Variants in RCL1 observed in about 807,000 individuals in gnomAD.
RCL1 encodes the protein RNA terminal phosphate cyclase like 1.
RCL1 carries 24 observed loss-of-function variants against 42.4 expected under a neutral mutation model. The observed-to-expected ratio is 0.57, with a 90% CI of 0.41 to 0.80. The LOEUF (loss-of-function observed/expected upper bound fraction) is 0.80, where lower values mean the gene tolerates loss of function less well. Ranked by LOEUF, RCL1 falls within the 30% of genes least tolerant of loss-of-function variation. The pLI, the probability that RCL1 is intolerant of heterozygous loss-of-function variation, is 0.00. For missense variants in RCL1, 578 were observed against 467.9 expected (o/e 1.24, Z -2.17); for synonymous variants, 228 against 177.3 (o/e 1.29, Z -2.27).
chr9:4,854,182 T>C (rs1376688884), intron 8 of RCL1, among the ~76,000 whole-genome samples: 2 of 152,190 alleles, frequency 1.3e-5, no homozygotes, highest in African/African-American at 4.8e-5. Flanking sequence ...TATGGTGAGA[T>C]CCTGTCTGAA....
rs550106856 is a variant in RCL1 at position 4,846,073 on chromosome 9, C to CTA, written c.867+1392_867+1393insTA. Among the ~76,000 whole-genome samples, 30 of 152,266 alleles carry CTA rather than the reference C, an allele frequency of 2.0e-4. No homozygotes were observed. The East Asian group carries it at 5.2e-3, about 26-fold the overall frequency. On this transcript the variant is annotated intron_variant, in intron 7 of 8. Transcript: ENST00000381750. ...GGTGGTAGGGTAAAGCCTGACTAGC[C>CTA]ATAGGTATTGATCCTCAGACCAGCC...
At chr9:4,833,271 C>T in intron 4 of RCL1, 43 bp downstream of exon 4, 5 of 1,409,622 alleles carry the variant, frequency 3.5e-6, no homozygotes, top group Non-Finnish European at 5.0e-6. Flanking sequence ...CTGTGGAAAA[C>T]ATTTTCCCAC....
At chr9:4,829,344 G>A (rs770460563) in intron 3 of RCL1, among the ~76,000 whole-genome samples, 73 of 152,192 alleles carry the variant, frequency 4.8e-4, no homozygotes, top group Non-Finnish European at 7.9e-4. Flanking sequence ...ATTGGAGGCG[G>A]AGTGAGAGGA....
intron 1 of RCL1, among the ~76,000 whole-genome samples, chr9:4,811,458 A>G (rs373284081): frequency 3.9e-5 from 6 of 152,056 alleles, no homozygotes; most frequent in Non-Finnish European, 7.3e-5. Flanking sequence ...AGTAACCACT[A>G]TTCTATCCTC....
At chr9:4,838,838 A>G (rs1267422704) in intron 5 of RCL1, among the ~76,000 whole-genome samples, 1 of 152,224 alleles carries the variant, frequency 6.6e-6, no homozygotes, top group Non-Finnish European at 1.5e-5. Context: ...TTGAAAGAAT[A>G]AGAACCTCTG....
chr9:4,810,672 C>T (rs913516119), intron 1 of RCL1, among the ~76,000 whole-genome samples: 1 of 152,062 alleles, frequency 6.6e-6, no homozygotes, highest in Non-Finnish European at 1.5e-5. Context: ...ATGTCTCTTG[C>T]CTGAATGCTG....
chr9:4,846,894 C>CTTTTTTCT (rs57427254), intron 7 of RCL1, among the ~76,000 whole-genome samples: 27,517 of 148,510 alleles, frequency 0.19, 3,052 homozygotes, highest in East Asian at 0.54. Flanking sequence ...TAATATTTTT[C>CTTTTTTCT]TTTTTTTTTT....
intron 3 of RCL1, among the ~76,000 whole-genome samples, chr9:4,830,400 G>C (rs917504313): frequency 7.2e-5 from 11 of 152,208 alleles, no homozygotes; most frequent in African/African-American, 2.4e-4. Context: ...CCGAAGTCCA[G>C]AGGGGATAAG....
chr9:4,834,713 G>T (rs1307768434), intron 5 of RCL1, among the ~76,000 whole-genome samples: 5 of 152,032 alleles, frequency 3.3e-5, no homozygotes, highest in Non-Finnish European at 7.4e-5. Context: ...TTGTCTGGAG[G>T]ACCTAGGGAG....
intron 2 of RCL1, among the ~76,000 whole-genome samples, chr9:4,825,418 TG>T (rs1444764215): frequency 1.3e-5 from 2 of 152,226 alleles, no homozygotes; most frequent in African/African-American, 4.8e-5. Flanking sequence ...GATGGTTTTG[TG>T]GCCCTTACAA....
intron 1 of RCL1, among the ~76,000 whole-genome samples, chr9:4,813,429 A>G (rs567335346): frequency 8.5e-4 from 130 of 152,386 alleles, no homozygotes; most frequent in Middle Eastern, 6.8e-3. Flanking sequence ...CAACAGACAC[A>G]TGAAAAAATG....
chr9:4,822,448 TAA>T (rs1015916840), intron 1 of RCL1, among the ~76,000 whole-genome samples: 80 of 152,296 alleles, frequency 5.3e-4, no homozygotes, highest in African/African-American at 1.9e-3. Flanking sequence ...TCTCCTCCCA[TAA>T]TCTTACATTT....
intron 1 of RCL1, among the ~76,000 whole-genome samples, chr9:4,813,688 G>T (rs1422472861): frequency 3.3e-5 from 5 of 152,194 alleles, no homozygotes; most frequent in African/African-American, 1.2e-4. Context: ...CCATTACTGG[G>T]TATATACCCA....
At chr9:4,798,145 G>A (rs1033028857) in intron 1 of RCL1, among the ~76,000 whole-genome samples, 9 of 152,184 alleles carry the variant, frequency 5.9e-5, no homozygotes, top group African/African-American at 2.2e-4. Flanking sequence ...TGAAGGACCT[G>A]TTCTCTCTCA....
intron 1 of RCL1, among the ~76,000 whole-genome samples, chr9:4,820,254 G>A (rs558603454): frequency 6.6e-6 from 1 of 152,156 alleles, no homozygotes; most frequent in African/African-American, 2.4e-5. Context: ...AGGTGAATGG[G>A]CAAGGAATTC....
intron 1 of RCL1, among the ~76,000 whole-genome samples, chr9:4,814,812 T>C (rs1816314357): frequency 6.6e-6 from 1 of 152,208 alleles, no homozygotes; most frequent in Non-Finnish European, 1.5e-5. Context: ...GCCTGGCTAA[T>C]AGTAATGAAT....
chr9:4,841,202 C>G (rs1169206280), intron 5 of RCL1, 30 bp from the exon 6 acceptor site: 1 of 1,613,212 alleles, frequency 6.2e-7, no homozygotes, highest in African/African-American at 1.3e-5. Flanking sequence ...GGAATTCAAG[C>G]AGAATGACAT....
intron 1 of RCL1, among the ~76,000 whole-genome samples, chr9:4,808,471 C>G (rs549800116): frequency 1.3e-5 from 2 of 152,102 alleles, no homozygotes; most frequent in South Asian, 4.2e-4. Context: ...TTATGCCTGG[C>G]TAATTTTTGT....
rs763191010 is a variant in RCL1 at position 4,851,597 on chromosome 9, G to C, written c.971+2047G>C. ...CACGGTGAGGACCATCATGGTGGGG[G>C]AATAGTTTATTCTAATGGATTCAAG... On this transcript the variant is annotated intron_variant, in intron 8 of 8. Transcript: ENST00000381750. 1.7e-3 allele frequency among the ~76,000 whole-genome samples: 264 copies of C among 152,246 alleles called. 1 individual carries two copies. The highest frequency in any genetic ancestry group is 3.2e-3 in the Non-Finnish European group (215 of 68,022).
Sources: gnomAD v4.1 joint callset for allele counts (sites outside exome capture counted in the v4.1 genomes callset) on GRCh38, gnomAD v4.1.1 for gene constraint, MANE v1.5 for transcripts, NCBI Gene and HGNC (gene_info 2026-07-23, HGNC 2026-07-21) for gene names.